The following BCL2 variants were observed in gnomAD, a reference collection of about 807,000 sequenced individuals.
BCL2 encodes the protein apoptosis regulator Bcl-2.
In BCL2, 1 loss-of-function variant was observed where a neutral mutation model predicts 14.2. The observed-to-expected ratio is 0.07, with a 90% confidence interval of 0.02 to 0.33. BCL2 has a LOEUF of 0.33. Among genes scored for constraint, BCL2 ranks in the 10% least tolerant of loss-of-function variants. BCL2 has a pLI of 0.99. For missense variants in BCL2, 247 were observed against 305.9 expected (o/e 0.81, Z 1.44); for synonymous variants, 151 against 137.2 (o/e 1.10, Z -0.70).
At position 63,318,796 on chromosome 18, in the gene BCL2, G is replaced by T; in HGVS notation, c.-130C>A. The T allele has an allele frequency of 6.8e-7, 1 of 1,477,362 alleles. No individual in the cohort carries two copies. Among genetic ancestry groups the T allele is most frequent in the Non-Finnish European group, 9.0e-7 (1 of 1,114,524 alleles). The allele number at this position is 1,477,362 out of a possible 1,614,324, so 91.5% of individuals were successfully genotyped here. A position where few individuals can be genotyped will look rare whatever the true frequency, so the allele number is the denominator to read the frequency against. On this transcript the variant is annotated 5_prime_UTR_variant, in exon 2 of 3. Coordinates refer to ENST00000333681, the MANE Select transcript of BCL2 (RefSeq NM_000633.3). This position sits in a 1 kb window ranked among gnomAD's most constrained non-coding sequence, Gnocchi z 7.4. ...GGATGTGCTTTGCATTCTTGGACGAGGGGGTGTCTTCAATCACGCGGAACA... is the reference window on the plus strand; with the variant it reads ...GGATGTGCTTTGCATTCTTGGACGATGGGGTGTCTTCAATCACGCGGAACA...
chr18:63,270,460 G>A lies in BCL2; in HGVS notation c.585+47622C>T, dbSNP rs923874179. 2.0e-5 allele frequency among the ~76,000 whole-genome samples: 3 copies of A among 152,138 alleles called. No individual in the cohort carries two copies. In the East Asian group the frequency reaches 5.8e-4, roughly 29 times the overall value. On this transcript the variant is annotated intron_variant, in intron 2 of 2. Coordinates refer to ENST00000333681, the MANE Select transcript of BCL2 (RefSeq NM_000633.3). The stretch of plus-strand genomic sequence containing the variant: ...TCCAAAATGCATTTAAAAGGTATAT[G>A]CAGAACAGCATATATGTTTGCCACC...
intron 2 of BCL2, among the ~76,000 whole-genome samples, chr18:63,242,902 C>T (rs79174694): frequency 0.024 from 3,704 of 152,176 alleles, 62 homozygotes; most frequent in Non-Finnish European, 0.038. Context: ...TGAAAGGGAA[C>T]GGAGAGGCGC....
chr18:63,239,123 T>C (rs1055730198), intron 2 of BCL2, among the ~76,000 whole-genome samples: 1 of 152,260 alleles, frequency 6.6e-6, no homozygotes, highest in African/African-American at 2.4e-5. Context: ...ACACACATTT[T>C]ATCCATCCAA....
rs543529272 is a variant in BCL2, at chr18:63,215,853, A to T, written c.586-87094T>A. On this transcript the variant is annotated intron_variant, in intron 2 of 2. Transcript: ENST00000333681. ...ATAAGGTGAAATGTTTTTAAAAATA[A>T]TTTTTACTTTATTTTCCTTATAGGT... 5.9e-5 allele frequency among the ~76,000 whole-genome samples: 9 copies of T among 152,260 alleles called. 1 individual carries two copies. In the East Asian group the frequency reaches 1.7e-3, roughly 29 times the overall value.
chr18:63,226,189 G>A (rs971263801), intron 2 of BCL2, among the ~76,000 whole-genome samples: 3 of 152,158 alleles, frequency 2.0e-5, no homozygotes, highest in African/African-American at 4.8e-5. Context: ...TCTCTCCAAC[G>A]TCCAACTGTA....
At chr18:63,168,811 T>C (rs1915108749) in intron 2 of BCL2, among the ~76,000 whole-genome samples, 1 of 152,202 alleles carries the variant, frequency 6.6e-6, no homozygotes, top group Non-Finnish European at 1.5e-5. Context: ...GTCTGCATGT[T>C]GTAGGAAGAG....
At chr18:63,269,642 A>C (rs1388998134) in intron 2 of BCL2, among the ~76,000 whole-genome samples, 1 of 152,202 alleles carries the variant, frequency 6.6e-6, no homozygotes, top group African/African-American at 2.4e-5. Flanking sequence ...TTTTGGTAAA[A>C]AGCAACATAC....
intron 2 of BCL2, among the ~76,000 whole-genome samples, chr18:63,247,565 G>A (rs1402933269): frequency 6.6e-6 from 1 of 152,130 alleles, no homozygotes; most frequent in African/African-American, 2.4e-5. Context: ...TCTTCTACTA[G>A]GGGAAGAACC....
chr18:63,262,197 G>A (rs534622325), intron 2 of BCL2, among the ~76,000 whole-genome samples: 86 of 152,264 alleles, frequency 5.6e-4, no homozygotes, highest in Non-Finnish European at 1.0e-3. Flanking sequence ...GATTACAGGC[G>A]TGAGTCACTG....
At chr18:63,307,381 G>A (rs1268363838) in intron 2 of BCL2, among the ~76,000 whole-genome samples, 3 of 152,202 alleles carry the variant, frequency 2.0e-5, no homozygotes, top group Non-Finnish European at 2.9e-5. Context: ...AATATTAAAT[G>A]TTCACATTAA....
Position 63,128,073 on chromosome 18 carries a change from T to G in BCL2, c.*552A>C, listed in dbSNP as rs577979796. 3 of 226,408 alleles carry G rather than the reference T, an allele frequency of 1.3e-5. No homozygotes were observed. Among genetic ancestry groups the G allele is most frequent in the African/African-American group, 6.7e-5 (3 of 45,014 alleles). 14.0% of individuals were successfully genotyped at this position (226,408 alleles called of 1,614,324 possible). ...GTCTCTTCTTCAGGCCAGGGAGGCA[T>G]GGACTTCCCCCCACAGGAACCCTCC... On this transcript the variant is annotated 3_prime_UTR_variant, in exon 3 of 3. Coordinates refer to ENST00000333681, the MANE Select transcript of BCL2 (RefSeq NM_000633.3).
At chr18:63,315,933 T>C (rs1345486800) in intron 2 of BCL2, 2 of 152,530 alleles carry the variant, frequency 1.3e-5, no homozygotes, top group African/African-American at 4.8e-5. Flanking sequence ...CTGAAAGCTA[T>C]TACATATTTT....
chr18:63,285,561 T>C (rs755744963), intron 2 of BCL2, among the ~76,000 whole-genome samples: 2 of 152,194 alleles, frequency 1.3e-5, no homozygotes, highest in Non-Finnish European at 2.9e-5. Context: ...GATGGGTCAC[T>C]GCCGGGGAGG....
intron 2 of BCL2, among the ~76,000 whole-genome samples, chr18:63,290,711 T>C (rs1321035142): frequency 6.6e-6 from 1 of 152,152 alleles, no homozygotes; most frequent in East Asian, 1.9e-4. Flanking sequence ...ATGGGCTCAG[T>C]TCAGGCTTCA....
rs1381670139 is a variant in BCL2 at position 63,128,622 on chromosome 18, AC to A, written c.*2del. ...ATATTTGTTTGGGGCAGGCATGTTG[AC>A]TTCACTTGTGGCCCAGATAGGCACC... On this transcript the variant is annotated 3_prime_UTR_variant, in exon 3 of 3. Coordinates refer to ENST00000333681, the MANE Select transcript of BCL2 (RefSeq NM_000633.3). 1 of 780,794 alleles carries A rather than the reference AC, an allele frequency of 1.3e-6. No homozygotes were observed. The highest frequency in any genetic ancestry group is 2.4e-5 in the East Asian group (1 of 41,242). 48.4% of individuals were successfully genotyped at this position (780,794 alleles called of 1,614,324 possible).
At chr18:63,188,652 C>T (rs754305378) in intron 2 of BCL2, among the ~76,000 whole-genome samples, 1 of 152,052 alleles carries the variant, frequency 6.6e-6, no homozygotes, top group Non-Finnish European at 1.5e-5. Flanking sequence ...TACCATAATA[C>T]TATGTATACA....
chr18:63,217,562 C>G (rs1193417637), intron 2 of BCL2, among the ~76,000 whole-genome samples: 1 of 152,182 alleles, frequency 6.6e-6, no homozygotes, highest in Non-Finnish European at 1.5e-5. Flanking sequence ...TTCCCAAAAG[C>G]ATCAAATCTT....
At chr18:63,130,002 C>T (rs1242389779) in intron 2 of BCL2, among the ~76,000 whole-genome samples, 1 of 152,168 alleles carries the variant, frequency 6.6e-6, no homozygotes, top group Admixed American at 6.5e-5. Flanking sequence ...AAGTGTCTCC[C>T]TTCCATTCCT....
chr18:63,259,488 T>C (rs1388331948), intron 2 of BCL2, among the ~76,000 whole-genome samples: 2 of 152,248 alleles, frequency 1.3e-5, no homozygotes, highest in Non-Finnish European at 2.9e-5. Context: ...ACAGCTATCA[T>C]ATGGATGAAC....
Sources: gnomAD v4.1 joint callset for allele counts (sites outside exome capture counted in the v4.1 genomes callset) on GRCh38, gnomAD v4.1.1 for gene constraint, Gnocchi (gnomAD v3.1) non-coding constraint, MANE v1.5 for transcripts, NCBI Gene and HGNC (gene_info 2026-07-23, HGNC 2026-07-21) for gene names.